CADM2: variants seen among roughly 807,000 people sequenced by gnomAD.
CADM2 encodes immunoglobulin superfamily member 4D.
A neutral mutation model predicts 49.8 loss-of-function variants in CADM2; 12 were observed. The observed-to-expected ratio is 0.24, with a 90% confidence interval of 0.15 to 0.39. The LOEUF (loss-of-function observed/expected upper bound fraction) is 0.39. CADM2 is among the 10% of genes least tolerant of loss of function. The probability of loss-of-function intolerance (pLI) is 1.00; values close to 1 mark genes in which losing one functional copy is unlikely to be tolerated. For missense variants in CADM2, 378 were observed against 492.3 expected (o/e 0.77, Z 2.20); for synonymous variants, 214 against 175.4 (o/e 1.22, Z -1.74).
intron 1 of CADM2, among the ~76,000 whole-genome samples, chr3:85,125,073 G>A (rs544097350): frequency 1.3e-5 from 2 of 152,262 alleles, no homozygotes; most frequent in Non-Finnish European, 2.9e-5. Flanking sequence ...TTAATCAGCA[G>A]AGGGAAACAT....
chr3:85,925,112 T>G (rs959447192), intron 6 of CADM2, among the ~76,000 whole-genome samples: 1 of 151,610 alleles, frequency 6.6e-6, no homozygotes, highest in African/African-American at 2.4e-5. Context: ...AATGTCACTT[T>G]TCTAAGTAAT....
At chr3:85,546,461 C>T (rs777886679) in intron 1 of CADM2, among the ~76,000 whole-genome samples, 1 of 152,102 alleles carries the variant, frequency 6.6e-6, no homozygotes, top group Admixed American at 6.5e-5. Context: ...TCAACTCCCC[C>T]TCTCTTGTTC....
chr3:85,733,954 G>A lies in CADM2; in HGVS notation c.88+7406G>A, dbSNP rs117933976. On this transcript the variant is annotated intron_variant, in intron 2 of 9. Transcript: ENST00000383699. ...TCCCAAGATTTGTGGCTTCTTACAG[G>A]TTTTGAAACAGAAAAAAGTCTGTAA... Among the ~76,000 whole-genome samples, 109 of 152,120 alleles carry A rather than the reference G, an allele frequency of 7.2e-4. No individual in the cohort carries two copies. The East Asian group carries it at 0.019, about 27-fold the overall frequency.
intron 1 of CADM2, among the ~76,000 whole-genome samples, chr3:85,466,780 AAC>A (rs1360177368): frequency 6.6e-6 from 1 of 151,532 alleles, no homozygotes; most frequent in African/African-American, 2.4e-5. Context: ...TTTTTTTTTC[AAC>A]AGTTTCCCCC....
At chr3:85,768,571 G>C (rs1020862330) in intron 2 of CADM2, among the ~76,000 whole-genome samples, 5 of 148,432 alleles carry the variant, frequency 3.4e-5, no homozygotes, top group South Asian at 2.1e-4. Context: ...CTACACAATA[G>C]CAATCACTGT....
rs185264951 is a variant in CADM2 at position 85,255,275 on chromosome 3, C to T, written c.61+295607C>T. On this transcript the variant is annotated intron_variant, in intron 1 of 9. Transcript: ENST00000383699. ...GTGTCAAATTGCCTGGGTCCATAGCCTACAGGGTTGTCATTAGCCCAAGGA... is the reference window on the plus strand; with the variant it reads ...GTGTCAAATTGCCTGGGTCCATAGCTTACAGGGTTGTCATTAGCCCAAGGA... 1.8e-3 allele frequency among the ~76,000 whole-genome samples: 274 copies of T among 152,064 alleles called. 1 individual carries two copies. The highest frequency in any genetic ancestry group is 6.3e-3 in the African/African-American group (263 of 41,502).
chr3:85,428,074 C>T (rs1204898867), intron 1 of CADM2, among the ~76,000 whole-genome samples: 1 of 151,638 alleles, frequency 6.6e-6, no homozygotes, highest in African/African-American at 2.4e-5. Flanking sequence ...ACTACTAAGT[C>T]ATCTTGTCCA....
intron 1 of CADM2, among the ~76,000 whole-genome samples, chr3:85,387,255 G>C (rs1057305764): frequency 7.9e-5 from 12 of 152,034 alleles, no homozygotes; most frequent in Non-Finnish European, 1.6e-4. Flanking sequence ...ATTAACTTCT[G>C]TTTTGCATGG....
At chr3:85,758,562 T>C (rs1462266870) in intron 2 of CADM2, among the ~76,000 whole-genome samples, 1 of 152,166 alleles carries the variant, frequency 6.6e-6, no homozygotes, top group African/African-American at 2.4e-5. Context: ...TCATACACTG[T>C]ATTCTATTTC....
rs549401662 is a variant in CADM2 at position 85,855,642 on chromosome 3, T to A, written c.239-27649T>A. On this transcript the variant is annotated intron_variant, in intron 3 of 9. Coordinates refer to ENST00000383699, the MANE Select transcript of CADM2 (RefSeq NM_001167675.2). ...AAAACATATATATATATATATATAT[T>A]TTGAGACGGAGTTTCGCACTGTTGC... Among the ~76,000 whole-genome samples the A allele has an allele frequency of 2.9e-3, 349 of 121,044 alleles. 8 individuals carry two copies. The highest frequency in any genetic ancestry group is 4.0e-3 in the Non-Finnish European group (211 of 52,914). The allele number at this position is 121,044 out of a possible 152,430, so 79.4% of individuals were successfully genotyped here. A position where few individuals can be genotyped will look rare whatever the true frequency, so the allele number is the denominator to read the frequency against.
chr3:85,264,315 A>G (rs1159634421), intron 1 of CADM2, among the ~76,000 whole-genome samples: 2 of 152,094 alleles, frequency 1.3e-5, no homozygotes, highest in Non-Finnish European at 2.9e-5. Context: ...TGAGGCAATG[A>G]CTGTTGAAGG....
intron 8 of CADM2, among the ~76,000 whole-genome samples, chr3:86,020,052 G>A (rs977139288): frequency 6.6e-6 from 1 of 152,068 alleles, no homozygotes; most frequent in Non-Finnish European, 1.5e-5. Context: ...CCAGGAGCTG[G>A]TTTTTTGAAA....
chr3:84,984,135 A>T (rs934489446), intron 1 of CADM2, among the ~76,000 whole-genome samples: 3 of 151,520 alleles, frequency 2.0e-5, no homozygotes, highest in African/African-American at 7.3e-5. Context: ...TAATAAACTA[A>T]ATCTAGATAT....
intron 1 of CADM2, among the ~76,000 whole-genome samples, chr3:85,315,133 C>T (rs953798259): frequency 2.0e-5 from 3 of 152,078 alleles, no homozygotes; most frequent in Non-Finnish European, 2.9e-5. Flanking sequence ...CTTTGTTTCC[C>T]TCATCATATG....
chr3:85,912,339 G>T (rs910424229), intron 5 of CADM2, 34 bp from the exon 6 acceptor site: 3 of 1,514,934 alleles, frequency 2.0e-6, no homozygotes, highest in Non-Finnish European at 2.7e-6. Context: ...ATTTTGAAAG[G>T]TGTCACATTT....
chr3:85,499,542 T>C (rs1419871709), intron 1 of CADM2, among the ~76,000 whole-genome samples: 1 of 151,360 alleles, frequency 6.6e-6, no homozygotes, highest in Non-Finnish European at 1.5e-5. Flanking sequence ...TTACATAAAT[T>C]AATATTAATG....
At chr3:85,193,726 G>C (rs921207839) in intron 1 of CADM2, among the ~76,000 whole-genome samples, 1 of 152,004 alleles carries the variant, frequency 6.6e-6, no homozygotes. Context: ...TTGCAGATTT[G>C]ATCATATTGG....
intron 1 of CADM2, among the ~76,000 whole-genome samples, chr3:85,536,782 G>T (rs1325375256): frequency 1.3e-5 from 2 of 151,834 alleles, no homozygotes; most frequent in Non-Finnish European, 2.9e-5. Flanking sequence ...CAGATTAGGA[G>T]AATATTATTA....
chr3:84,972,381 T>C (rs1385457534), intron 1 of CADM2, among the ~76,000 whole-genome samples: 3 of 152,246 alleles, frequency 2.0e-5, no homozygotes, highest in Admixed American at 6.5e-5. Flanking sequence ...ATGCATTGTT[T>C]AGTGCTTAAG....
Sources: gnomAD v4.1 joint callset for allele counts (sites outside exome capture counted in the v4.1 genomes callset) on GRCh38, gnomAD v4.1.1 for gene constraint, MANE v1.5 for transcripts, NCBI Gene and HGNC (gene_info 2026-07-23, HGNC 2026-07-21) for gene names.